Variants in CCND3 observed in about 807,000 individuals in gnomAD.
The protein encoded by CCND3 is G1/S-specific cyclin-D3.
In CCND3, 9 loss-of-function variants were observed where a neutral mutation model predicts 28.7. The ratio of observed to expected loss-of-function variants is 0.31; its 90% confidence interval spans 0.19 to 0.55. The LOEUF is 0.55. Ranked by LOEUF, CCND3 falls within the 20% of genes least tolerant of loss-of-function variation. The probability of loss-of-function intolerance (pLI) is 0.93; values close to 1 mark genes in which losing one functional copy is unlikely to be tolerated. For missense variants in CCND3, 315 were observed against 385.8 expected (o/e 0.82, Z 1.54); for synonymous variants, 164 against 163.9 (o/e 1.00, Z 0.00).
intron 1 of CCND3, among the ~76,000 whole-genome samples, chr6:42,043,652 C>A (rs1020651871): frequency 1.3e-5 from 2 of 152,166 alleles, no homozygotes; most frequent in African/African-American, 4.8e-5. Context: ...GAGCCGAGAT[C>A]ACGCCACTGC....
intron 1 of CCND3, among the ~76,000 whole-genome samples, chr6:41,959,838 CCCAGCTGCTTGGGAGG>C (rs1340155698): frequency 2.0e-5 from 3 of 151,604 alleles, no homozygotes; most frequent in African/African-American, 7.3e-5. Context: ...TGCCTGTAGT[CCCAGCTGCTTGGGAGG>C]CTGAGGCAGG....
chr6:41,959,677 ACT>A (rs1319987382), intron 1 of CCND3, among the ~76,000 whole-genome samples: 2 of 150,598 alleles, frequency 1.3e-5, no homozygotes, highest in East Asian at 3.9e-4. Context: ...ACACAGCAAG[ACT>A]AAATCAGGCC....
At chr6:41,992,698 C>T (rs760780812) in intron 1 of CCND3, among the ~76,000 whole-genome samples, 4 of 151,504 alleles carry the variant, frequency 2.6e-5, no homozygotes, top group East Asian at 3.9e-4. Flanking sequence ...ACACTGGTCT[C>T]GGCCTCCCAA....
rs781744164 is a variant in CCND3, at chr6:41,940,990, C to T, written c.199-405G>A. ...AGGAGGCTCCTGCCGCTGCCTCCTG[C>T]ACTTTTCATTTCCCTGTCGGCCGGA... On this transcript the variant is annotated intron_variant, in intron 1 of 4. Transcript: ENST00000372991. The T allele has an allele frequency of 8.7e-6, 14 of 1,612,956 alleles. No individual in the cohort carries two copies. In the South Asian group the frequency reaches 1.5e-4, roughly 18 times the overall value.
rs569876983 is a variant in CCND3, at chr6:41,950,960, G to A, written c.-45-10375C>T. 1.4e-3 allele frequency among the ~76,000 whole-genome samples: 215 copies of A among 151,926 alleles called. 1 individual carries two copies. Among genetic ancestry groups the A allele is most frequent in the African/African-American group, 4.6e-3 (191 of 41,470 alleles). On this transcript the variant is annotated intron_variant, in intron 1 of 4. Transcript: ENST00000372988. The stretch of plus-strand genomic sequence containing the variant: ...CCTGACCTCGTGATCCGCCCGCCTC[G>A]GCCTCCCAAAGTGCTGGGATTACAG...
At chr6:42,047,441 T>C (rs1451196587) in intron 1 of CCND3, among the ~76,000 whole-genome samples, 1 of 152,180 alleles carries the variant, frequency 6.6e-6, no homozygotes, top group Non-Finnish European at 1.5e-5. Flanking sequence ...CACTTCTCTA[T>C]CCACGTCTGG....
intron 1 of CCND3, among the ~76,000 whole-genome samples, chr6:42,004,519 T>G (rs1763122467): frequency 6.6e-6 from 1 of 152,022 alleles, no homozygotes; most frequent in Non-Finnish European, 1.5e-5. Context: ...GATTACGAGG[T>G]CAGGAGTTCA....
At position 41,939,431 on chromosome 6, in the gene CCND3, A is replaced by G. The variant is rs1775916702; in HGVS notation, c.414+939T>C. Among the ~76,000 whole-genome samples, 1 of 152,102 alleles carries G rather than the reference A, an allele frequency of 6.6e-6. No homozygotes were observed. The highest frequency in any genetic ancestry group is 6.6e-5 in the Admixed American group (1 of 15,264). ...CTAGGAGACAATCTGCATGTCCTAAATAACCTCTTCCAGATCCAGCAGCTC... is the reference window on the plus strand; with the variant it reads ...CTAGGAGACAATCTGCATGTCCTAAGTAACCTCTTCCAGATCCAGCAGCTC... On this transcript the variant is annotated intron_variant, in intron 2 of 4. Coordinates refer to ENST00000372991, the MANE Select transcript of CCND3 (RefSeq NM_001760.5). The surrounding 1 kb of genome is among the most constrained non-coding windows in gnomAD (Gnocchi z 4.2).
chr6:41,974,797 T>C (rs1485679965), intron 1 of CCND3, among the ~76,000 whole-genome samples: 4 of 148,516 alleles, frequency 2.7e-5, no homozygotes, highest in African/African-American at 5.0e-5. Context: ...CAGTTCTTTT[T>C]TTTTTTTTTT....
At chr6:41,979,463 G>T (rs1398539981) in intron 1 of CCND3, among the ~76,000 whole-genome samples, 1 of 150,788 alleles carries the variant, frequency 6.6e-6, no homozygotes, top group Non-Finnish European at 1.5e-5. Flanking sequence ...GAACCTGGGA[G>T]GTGGAGCTTG....
At position 42,048,659 on chromosome 6, in the gene CCND3, A is replaced by G. The variant is rs920930239; in HGVS notation, c.-204T>C. Reference sequence around the variant, plus strand: ...CCCCGGCCGGCATCCGAACAGAGCCAGTCTCCACCCCTGCAGTGGCGAAGT... The same window carrying G: ...CCCCGGCCGGCATCCGAACAGAGCCGGTCTCCACCCCTGCAGTGGCGAAGT... On this transcript the variant is annotated 5_prime_UTR_variant, in exon 1 of 5. Transcript: ENST00000372988. The surrounding 1 kb of genome is among the most constrained non-coding windows in gnomAD (Gnocchi z 4.7). 5 of 518,306 alleles carry G rather than the reference A, an allele frequency of 9.6e-6. No homozygotes were observed. Among genetic ancestry groups the G allele is most frequent in the African/African-American group, 9.6e-5 (5 of 51,932 alleles). The allele number at this position is 518,306 out of a possible 1,614,324, so 32.1% of individuals were successfully genotyped here. A position where few individuals can be genotyped will look rare whatever the true frequency, so the allele number is the denominator to read the frequency against.
At position 41,936,700 on chromosome 6, in the gene CCND3, G is replaced by C. The variant is rs1471814799; in HGVS notation, c.575-5C>G. Reference sequence around the variant, plus strand: ...GGTACATGGCAAAGGTATAATCTTGGAGAGGAGGAAAGGGAACCATGAGAG... The same window carrying C: ...GGTACATGGCAAAGGTATAATCTTGCAGAGGAGGAAAGGGAACCATGAGAG... On this transcript the variant is annotated splice_polypyrimidine_tract_variant and splice_region_variant and intron_variant, in intron 3 of 4. Coordinates refer to ENST00000372991, the MANE Select transcript of CCND3 (RefSeq NM_001760.5). This position sits in a 1 kb window ranked among gnomAD's most constrained non-coding sequence, Gnocchi z 4.4. The C allele has an allele frequency of 3.7e-6, 6 of 1,612,802 alleles. No homozygotes were observed. Among genetic ancestry groups the C allele is most frequent in the Non-Finnish European group, 5.1e-6 (6 of 1,179,258 alleles).
intron 1 of CCND3, among the ~76,000 whole-genome samples, chr6:42,026,452 G>T (rs542506274): frequency 6.6e-6 from 1 of 152,206 alleles, no homozygotes; most frequent in African/African-American, 2.4e-5. Context: ...CAGCGTGAGG[G>T]CATTAGCCAA....
At chr6:42,015,526 C>T (rs1041716461) in intron 1 of CCND3, among the ~76,000 whole-genome samples, 2 of 152,008 alleles carry the variant, frequency 1.3e-5, no homozygotes, top group Non-Finnish European at 2.9e-5. Context: ...CTGGCTAACA[C>T]GGTGAAATCT....
At chr6:41,979,304 C>A (rs1330124366) in intron 1 of CCND3, among the ~76,000 whole-genome samples, 1 of 151,538 alleles carries the variant, frequency 6.6e-6, no homozygotes, top group Non-Finnish European at 1.5e-5. Context: ...GAGGCCAAGG[C>A]GGGTGGATCA....
intron 1 of CCND3, among the ~76,000 whole-genome samples, chr6:42,033,250 G>C (rs1249279478): frequency 1.3e-5 from 2 of 151,818 alleles, no homozygotes; most frequent in Non-Finnish European, 2.9e-5. Context: ...TCAGGAGTTC[G>C]AGACCAGCCT....
chr6:41,957,035 C>T (rs1776456720), intron 1 of CCND3, among the ~76,000 whole-genome samples: 1 of 149,350 alleles, frequency 6.7e-6, no homozygotes, highest in Non-Finnish European at 1.5e-5. Context: ...CGTCTCAAAA[C>T]AAACAAACAA....
intron 1 of CCND3, among the ~76,000 whole-genome samples, chr6:42,029,061 C>T (rs776126855): frequency 4.6e-5 from 7 of 151,428 alleles, no homozygotes; most frequent in Non-Finnish European, 1.5e-5. Context: ...ACTGCAGCCT[C>T]GAACTCCTGA....
upstream of CCND3, among the ~76,000 whole-genome samples, chr6:41,946,595 C>CAAAAAAAAAAAA (rs35369019): frequency 2.9e-4 from 6 of 20,930 alleles, 1 homozygote; most frequent in African/African-American, 5.5e-4. Flanking sequence ...AGACCTGTCT[C>CAAAAAAAAAAAA]AAAAAAAAAA....
Sources: allele counts gnomAD v4.1 joint callset (sites outside exome capture counted in the v4.1 genomes callset), GRCh38; gene constraint gnomAD v4.1.1; non-coding constraint Gnocchi (gnomAD v3.1); transcripts MANE v1.5; gene names NCBI Gene and HGNC (gene_info 2026-07-23, HGNC 2026-07-21).